The following TUSC3 variants were observed in gnomAD, a reference collection of about 807,000 sequenced individuals.
The protein encoded by TUSC3 is tumor suppressor candidate 3.
Under a neutral mutation model 44.8 loss-of-function variants are expected in TUSC3, and 45 were observed. That is an observed-to-expected ratio of 1.00 (90% CI 0.79 to 1.29). The LOEUF (loss-of-function observed/expected upper bound fraction) is 1.29, where lower values mean the gene tolerates loss of function less well. TUSC3 is among the 50% of genes most tolerant of loss of function. TUSC3 has a pLI of 0.00. For synonymous variants in TUSC3, 212 were observed against 152.9 expected, an observed-to-expected ratio of 1.39 and a Z score of -2.85; for missense variants, 519 against 437.9, an observed-to-expected ratio of 1.19 and a Z score of -1.65.
chr8:15,795,894 C>A, the TUSC3 span, among the ~76,000 whole-genome samples: 7 of 152,150 alleles, frequency 4.6e-5, no homozygotes, highest in East Asian at 7.7e-4. Context: ...TTTGTCTACC[C>A]CCCAGAATGC....
intron 1 of TUSC3, among the ~76,000 whole-genome samples, chr8:15,581,861 C>CCGCTGCTGT (rs1204024995): frequency 1.1e-5 from 1 of 92,262 alleles, no homozygotes; most frequent in South Asian, 3.4e-4. Context: ...TGGAGCTTCC[C>CCGCTGCTGT]GTTTACCTAA....
At chr8:15,753,256 T>G (rs1362004755) in intron 9 of TUSC3, among the ~76,000 whole-genome samples, 1 of 152,062 alleles carries the variant, frequency 6.6e-6, no homozygotes, top group African/African-American at 2.4e-5. Flanking sequence ...TCTTCCCAGA[T>G]CACATTAAAG....
At chr8:15,421,566 T>C (rs1460924390) in intron 1 of TUSC3, among the ~76,000 whole-genome samples, 1 of 152,174 alleles carries the variant, frequency 6.6e-6, no homozygotes, top group African/African-American at 2.4e-5. Context: ...CACTGTAAAA[T>C]TTATTTGTTT....
the TUSC3 span, among the ~76,000 whole-genome samples, chr8:15,847,800 C>G: frequency 2.0e-5 from 3 of 152,128 alleles, no homozygotes; most frequent in Admixed American, 1.3e-4. Flanking sequence ...CTTTGTACCC[C>G]TGTATCTAAC....
chr8:15,574,262 A>C (rs1479359665), intron 1 of TUSC3, among the ~76,000 whole-genome samples: 1 of 152,038 alleles, frequency 6.6e-6, no homozygotes, highest in African/African-American at 2.4e-5. Context: ...TCTTTGTCTT[A>C]ATCTATAGAG....
intron 6 of TUSC3, among the ~76,000 whole-genome samples, chr8:15,679,497 G>C (rs1164214654): frequency 6.6e-6 from 1 of 152,032 alleles, no homozygotes. Context: ...CTGGATATTA[G>C]TCCTTTATCA....
intron 1 of TUSC3, among the ~76,000 whole-genome samples, chr8:15,468,045 T>G (rs1044249954): frequency 2.6e-5 from 4 of 152,180 alleles, no homozygotes; most frequent in Non-Finnish European, 5.9e-5. Flanking sequence ...TACTGATTAG[T>G]AATTAAAAAG....
chr8:15,431,656 T>C (rs969993280), intron 1 of TUSC3, among the ~76,000 whole-genome samples: 1 of 145,828 alleles, frequency 6.9e-6, no homozygotes, highest in Non-Finnish European at 1.5e-5. Flanking sequence ...TGATTTGGAT[T>C]CCATTTTTTC....
At chr8:15,598,316 A>G (rs746828292) in intron 1 of TUSC3, among the ~76,000 whole-genome samples, 7 of 151,968 alleles carry the variant, frequency 4.6e-5, no homozygotes, top group Non-Finnish European at 8.8e-5. Context: ...TTTTGTTTGC[A>G]GTAGATTTAG....
At chr8:15,447,851 A>T (rs555688880) in intron 1 of TUSC3, among the ~76,000 whole-genome samples, 1 of 151,454 alleles carries the variant, frequency 6.6e-6, no homozygotes, top group Non-Finnish European at 1.5e-5. Context: ...AAAAACAGAG[A>T]CTCCCTCATC....
At chr8:15,595,707 A>T (rs377138872) in intron 1 of TUSC3, among the ~76,000 whole-genome samples, 1 of 152,166 alleles carries the variant, frequency 6.6e-6, no homozygotes, top group South Asian at 2.1e-4. Context: ...GGAGGAAGTC[A>T]TTTTTAAGCC....
At chr8:15,537,148 CTCTG>C (rs1801535105), upstream of TUSC3, among the ~76,000 whole-genome samples, 2 of 40,348 alleles carry the variant, frequency 5.0e-5, no homozygotes, top group Non-Finnish European at 1.7e-4. Context: ...CTCTCTCTCT[CTCTG>C]AAGTCTGTCT....
intron 1 of TUSC3, among the ~76,000 whole-genome samples, chr8:15,571,385 TTTC>T (rs1802872189): frequency 6.6e-6 from 1 of 152,176 alleles, no homozygotes; most frequent in African/African-American, 2.4e-5. Context: ...AGTTTTTTGG[TTTC>T]TCAGTGCATT....
At chr8:15,829,691 T>C in the TUSC3 span, among the ~76,000 whole-genome samples, 16,035 of 152,182 alleles carry the variant, frequency 0.11, 952 homozygotes, top group East Asian at 0.25. Flanking sequence ...TCTGAGATTA[T>C]GAAACATTTT....
At chr8:15,652,186 G>T (rs1329935312) in intron 3 of TUSC3, among the ~76,000 whole-genome samples, 2 of 152,054 alleles carry the variant, frequency 1.3e-5, no homozygotes, top group South Asian at 4.1e-4. Flanking sequence ...TGATCTTTTC[G>T]GGTATCTTGG....
intron 2 of TUSC3, among the ~76,000 whole-genome samples, chr8:15,534,503 C>T (rs28411062): frequency 6.6e-5 from 10 of 151,716 alleles, no homozygotes; most frequent in Admixed American, 1.3e-4. Flanking sequence ...ATTAGCCGGG[C>T]TTGGTGGTGG....
intron 2 of TUSC3, among the ~76,000 whole-genome samples, chr8:15,494,620 C>A (rs937210803): frequency 7.2e-5 from 11 of 152,140 alleles, no homozygotes; most frequent in Non-Finnish European, 8.8e-5. Context: ...CCTGGCCTCT[C>A]ATTTTCTTAT....
the TUSC3 span, among the ~76,000 whole-genome samples, chr8:15,815,161 T>C: frequency 6.6e-6 from 1 of 152,146 alleles, no homozygotes; most frequent in Non-Finnish European, 1.5e-5. Flanking sequence ...TACTTGTACA[T>C]AAAAATGTTA....
intron 1 of TUSC3, among the ~76,000 whole-genome samples, chr8:15,552,794 G>A (rs1231139951): frequency 1.3e-5 from 2 of 151,680 alleles, no homozygotes; most frequent in Non-Finnish European, 1.5e-5. Flanking sequence ...GAGTGACAAA[G>A]TGAGGTTTAT....
Sources: allele counts gnomAD v4.1 joint callset (sites outside exome capture counted in the v4.1 genomes callset), GRCh38; gene constraint gnomAD v4.1.1; transcripts MANE v1.5; gene names NCBI Gene and HGNC (gene_info 2026-07-23, HGNC 2026-07-21).